TPD52: variants seen among roughly 807,000 people sequenced by gnomAD.
The protein encoded by TPD52 is tumor protein D52, also known as prostate and colon associated protein.
In TPD52, 17 loss-of-function variants were observed where a neutral mutation model predicts 31.3. That is an observed-to-expected ratio of 0.54 (90% CI 0.37 to 0.82). TPD52 has a LOEUF of 0.82. Among genes scored for constraint, TPD52 ranks in the 40% least tolerant of loss-of-function variants. TPD52 has a pLI of 0.00. For missense variants in TPD52, 212 were observed against 240.1 expected, an observed-to-expected ratio of 0.88 and a Z score of 0.77; for synonymous variants, 83 against 89.6, an observed-to-expected ratio of 0.93 and a Z score of 0.42.
At chr8:80,065,700 T>C (rs1263453576) in intron 1 of TPD52, among the ~76,000 whole-genome samples, 2 of 152,226 alleles carry the variant, frequency 1.3e-5, no homozygotes, top group South Asian at 2.1e-4. Flanking sequence ...GCTGATACTT[T>C]GTCTCAAACT....
intron 1 of TPD52, among the ~76,000 whole-genome samples, chr8:80,153,687 T>C (rs1262183603): frequency 2.0e-5 from 3 of 152,210 alleles, no homozygotes; most frequent in Admixed American, 6.5e-5. Context: ...CTCTATATTA[T>C]GGAGAGTCAG....
At chr8:80,128,567 G>A (rs1808799542) in intron 1 of TPD52, among the ~76,000 whole-genome samples, 1 of 151,304 alleles carries the variant, frequency 6.6e-6, no homozygotes, top group African/African-American at 2.4e-5. Flanking sequence ...AGGCTGAGGT[G>A]GGAAGACTGC....
chr8:80,071,315 G>A (rs994648984), intron 1 of TPD52, among the ~76,000 whole-genome samples: 2 of 152,120 alleles, frequency 1.3e-5, no homozygotes, highest in Non-Finnish European at 2.9e-5. Context: ...TCTTCAAAGA[G>A]CCCCAAGCCC....
chr8:80,031,841 G>C (rs546496111), downstream of TPD52, among the ~76,000 whole-genome samples: 64 of 152,004 alleles, frequency 4.2e-4, no homozygotes, highest in Middle Eastern at 3.4e-3. Flanking sequence ...TGGGTGAAAA[G>C]TGCAAAACTC....
intron 1 of TPD52, among the ~76,000 whole-genome samples, chr8:80,086,069 T>C (rs958328091): frequency 6.6e-6 from 1 of 151,400 alleles, no homozygotes; most frequent in Admixed American, 6.6e-5. Flanking sequence ...CAAGTTTTTG[T>C]TGGGGTTTTG....
chr8:80,040,453 G>A (rs1240738064), intron 7 of TPD52, among the ~76,000 whole-genome samples: 4 of 152,048 alleles, frequency 2.6e-5, no homozygotes, highest in African/African-American at 7.2e-5. Context: ...GCCTCACAAA[G>A]TGCTGGAATT....
In TPD52 at chr8:80,036,036, T is replaced by TA. The variant is rs1809882722; in HGVS notation, c.*2079dup. The TA allele has an allele frequency of 6.6e-6, 1 of 152,216 alleles. No individual in the cohort carries two copies. The highest frequency in any genetic ancestry group is 1.5e-5 in the Non-Finnish European group (1 of 68,032). The allele number at this position is 152,216 out of a possible 1,614,324, so 9.4% of individuals were successfully genotyped here. A position where few individuals can be genotyped will look rare whatever the true frequency, so the allele number is the denominator to read the frequency against. Reference sequence around the variant, plus strand: ...AGGGGCAGAGTACTTTACAGTAGATTACTTTGTTTCTTAGATTAAGTATAG... The same window carrying TA: ...AGGGGCAGAGTACTTTACAGTAGATTAACTTTGTTTCTTAGATTAAGTATAG... On this transcript the variant is annotated 3_prime_UTR_variant, in exon 8 of 8. Coordinates refer to ENST00000518937, the MANE Select transcript of TPD52 (RefSeq NM_001025253.3).
chr8:80,140,984 T>TGTGTGTGTGG (rs58969780), intron 1 of TPD52, among the ~76,000 whole-genome samples: 1 of 149,642 alleles, frequency 6.7e-6, no homozygotes, highest in Non-Finnish European at 1.5e-5. Flanking sequence ...TGTGTGTGTG[T>TGTGTGTGTGG]AGAAAGAGTA....
chr8:80,136,023 C>A (rs1317819072), intron 1 of TPD52, among the ~76,000 whole-genome samples: 1 of 124,236 alleles, frequency 8.0e-6, no homozygotes, highest in African/African-American at 3.0e-5. Flanking sequence ...GGGAGATATA[C>A]CTAATGCTAG....
chr8:80,083,866 T>C (rs925358061), intron 1 of TPD52, among the ~76,000 whole-genome samples: 1 of 152,142 alleles, frequency 6.6e-6, no homozygotes, highest in Non-Finnish European at 1.5e-5. Context: ...TACTTCAAAG[T>C]CAGCATGCAC....
intron 1 of TPD52, among the ~76,000 whole-genome samples, chr8:80,119,487 T>C (rs1808097648): frequency 6.6e-6 from 1 of 152,222 alleles, no homozygotes; most frequent in African/African-American, 2.4e-5. Context: ...ATTGTAAACT[T>C]CTACCCGTGG....
At chr8:80,120,126 T>C (rs1477492619) in intron 1 of TPD52, among the ~76,000 whole-genome samples, 1 of 152,088 alleles carries the variant, frequency 6.6e-6, no homozygotes, top group Non-Finnish European at 1.5e-5. Flanking sequence ...CCTTGTACCA[T>C]GTATATATAT....
chr8:80,117,734 C>CTTTT (rs57998208), intron 1 of TPD52, among the ~76,000 whole-genome samples: 3 of 131,392 alleles, frequency 2.3e-5, no homozygotes, highest in Admixed American at 8.1e-5. Flanking sequence ...TTTTTTCTTT[C>CTTTT]TTTTTTTTTT....
At position 80,035,557 on chromosome 8, in the gene TPD52, A is replaced by G. The variant is rs1393487529; in HGVS notation, c.*2559T>C. On this transcript the variant is annotated 3_prime_UTR_variant, in exon 8 of 8. Coordinates refer to ENST00000518937, the MANE Select transcript of TPD52 (RefSeq NM_001025253.3). ...TTTTCCAATACTATACAAAAAATAG[A>G]CTGTGCATATCTTAACAGATCCAGA... The G allele has an allele frequency of 6.6e-6, 1 of 152,216 alleles. No individual in the cohort carries two copies. The highest frequency in any genetic ancestry group is 1.5e-5 in the Non-Finnish European group (1 of 68,024). 9.4% of individuals were successfully genotyped at this position (152,216 alleles called of 1,614,324 possible).
At position 80,095,675 on chromosome 8, in the gene TPD52, G is replaced by A. The variant is rs183577444; in HGVS notation, c.20-31082C>T. Among the ~76,000 whole-genome samples the A allele has an allele frequency of 2.9e-3, 416 of 145,630 alleles. 3 individuals are homozygous for A. The highest frequency in any genetic ancestry group is 0.027 in the South Asian group (118 of 4,446). On this transcript the variant is annotated intron_variant, in intron 1 of 7. Transcript: ENST00000518937. ...AAAATACAAAGACTAGGCCGGGTGC[G>A]GTGGCTCATGCCTGTAATCCAAGCA...
At chr8:80,150,817 T>C (rs1163791969) in intron 1 of TPD52, among the ~76,000 whole-genome samples, 1 of 149,656 alleles carries the variant, frequency 6.7e-6, no homozygotes, top group African/African-American at 2.5e-5. Context: ...TACAGGCTCA[T>C]AGGTGGAAAG....
chr8:80,086,657 T>G (rs1219349873), intron 1 of TPD52, among the ~76,000 whole-genome samples: 6 of 151,866 alleles, frequency 4.0e-5, no homozygotes, highest in Non-Finnish European at 7.4e-5. Flanking sequence ...GCAGATCACC[T>G]GACATCAAGA....
At chr8:80,121,950 TTA>T (rs1808288300) in intron 1 of TPD52, among the ~76,000 whole-genome samples, 1 of 94,546 alleles carries the variant, frequency 1.1e-5, no homozygotes, top group African/African-American at 7.0e-5. Flanking sequence ...AATAAAGAAA[TTA>T]TGTTTATCAT....
chr8:80,075,594 GA>G (rs1814448642), intron 1 of TPD52, among the ~76,000 whole-genome samples: 1 of 151,752 alleles, frequency 6.6e-6, no homozygotes, highest in South Asian at 2.1e-4. Context: ...TTTTTTAAAA[GA>G]AAAAATCTTC....
Sources: allele counts gnomAD v4.1 joint callset (sites outside exome capture counted in the v4.1 genomes callset), GRCh38; gene constraint gnomAD v4.1.1; transcripts MANE v1.5; gene names NCBI Gene and HGNC (gene_info 2026-07-23, HGNC 2026-07-21).